Variants in KEAP1 observed in about 807,000 individuals in gnomAD.
KEAP1 encodes the protein kelch like ECH associated protein 1.
KEAP1 carries 26 observed loss-of-function variants against 59.7 expected under a neutral mutation model. The ratio of observed to expected loss-of-function variants is 0.44; its 90% CI spans 0.32 to 0.60. KEAP1 has a LOEUF of 0.60. Ranked by LOEUF, KEAP1 falls within the 20% of genes least tolerant of loss-of-function variation. The pLI is 0.06. For synonymous variants in KEAP1, 350 were observed against 358.3 expected (o/e 0.98, Z 0.26); for missense variants, 539 against 871.4 (o/e 0.62, Z 4.80).
At chr19:10,492,732 A>G (rs1357818144) in intron 2 of KEAP1, 1 of 161,384 alleles carries the variant, frequency 6.2e-6, no homozygotes, top group African/African-American at 2.4e-5. Context: ...CTCAAAGAAA[A>G]AAAAAAAAGA....
At chr19:10,497,207 G>C (rs1422568484) in intron 2 of KEAP1, among the ~76,000 whole-genome samples, 1 of 151,864 alleles carries the variant, frequency 6.6e-6, no homozygotes, top group Non-Finnish European at 1.5e-5. Flanking sequence ...ACACAAGAAA[G>C]AAACACTGTA....
intron 2 of KEAP1, among the ~76,000 whole-genome samples, chr19:10,495,739 G>A (rs1914827331): frequency 6.6e-6 from 1 of 151,946 alleles, no homozygotes; most frequent in African/African-American, 2.4e-5. Flanking sequence ...ACCAGCATGA[G>A]TTGGAATTTT....
rs909633521 is a variant in KEAP1, at chr19:10,488,290, AAAAATAAAAT to A, written c.1708+892_1708+901del. 2.6e-5 allele frequency among the ~76,000 whole-genome samples: 4 copies of A among 152,094 alleles called. No individual in the cohort carries two copies. The East Asian group carries it at 7.7e-4, about 29-fold the overall frequency. On this transcript the variant is annotated intron_variant, in intron 5 of 5. Coordinates refer to ENST00000171111, the MANE Select transcript of KEAP1 (RefSeq NM_203500.2). Reference sequence around the variant, plus strand: ...CAACATGAGCAAAACTCTGTCTCAAAAAAATAAAATAAAATAAAATAAAAATAAACAAAAA... The same window carrying A: ...CAACATGAGCAAAACTCTGTCTCAAAAAAATAAAATAAAAATAAACAAAAA...
In KEAP1 at chr19:10,486,373, C is replaced by T. The variant is rs567980084; in HGVS notation, c.*279G>A. On this transcript the variant is annotated 3_prime_UTR_variant, in exon 6 of 6. Transcript: ENST00000171111. ...GTGAGTGGGACCCAGGCCTATTACC[C>T]GGCCAGAGGGTTTGGGGGCCTCTCT... The T allele has an allele frequency of 1.3e-5, 5 of 376,566 alleles. No homozygotes were observed. In the East Asian group the frequency reaches 1.4e-4, roughly 10 times the overall value. 23.3% of individuals were successfully genotyped at this position (376,566 alleles called of 1,614,324 possible).
At chr19:10,501,152 G>A (rs1296827974) in intron 1 of KEAP1, among the ~76,000 whole-genome samples, 2 of 152,144 alleles carry the variant, frequency 1.3e-5, no homozygotes, top group African/African-American at 2.4e-5. Flanking sequence ...TGGAGAATTG[G>A]GAAGGAGTGC....
At chr19:10,501,089 T>C (rs1329609887) in intron 1 of KEAP1, among the ~76,000 whole-genome samples, 3 of 152,108 alleles carry the variant, frequency 2.0e-5, no homozygotes. Flanking sequence ...GGAGTAGTTT[T>C]CCAGGCAGAG....
chr19:10,497,400 G>C (rs1412605619), intron 2 of KEAP1, among the ~76,000 whole-genome samples: 2 of 152,152 alleles, frequency 1.3e-5, no homozygotes, highest in Admixed American at 1.3e-4. Flanking sequence ...AGCCAGTGGG[G>C]GACTTAGAAA....
chr19:10,494,128 G>A (rs138819503), intron 2 of KEAP1, among the ~76,000 whole-genome samples: 372 of 151,726 alleles, frequency 2.5e-3, no homozygotes, highest in Non-Finnish European at 4.5e-3. Flanking sequence ...TTTTATGGTA[G>A]AGACGGGGTT....
Position 10,491,356 on chromosome 19 carries a change from C to A in KEAP1, c.1325+221G>T, listed in dbSNP as rs1914659950. Among the ~76,000 whole-genome samples the A allele has an allele frequency of 6.6e-6, 1 of 152,156 alleles. No individual in the cohort carries two copies. Among genetic ancestry groups the A allele is most frequent in the Admixed American group, 6.6e-5 (1 of 15,262 alleles). On this transcript the variant is annotated intron_variant, in intron 3 of 5. Coordinates refer to ENST00000171111, the MANE Select transcript of KEAP1 (RefSeq NM_203500.2). The surrounding 1 kb of genome is among the most constrained non-coding windows in gnomAD (Gnocchi z 5.2). ...CATTTTCCAACTCCGCACAAAGGAA[C>A]CATATGGGTTTGTGACAGTCCCCTA... is the stretch of plus-strand genomic sequence containing the variant.
At chr19:10,489,115 A>AAAAG in intron 5 of KEAP1, 77 bp downstream of exon 5, 1 of 1,134,462 alleles carries the variant, frequency 8.8e-7, no homozygotes, top group Non-Finnish European at 1.2e-6. Flanking sequence ...AAAAAAAAAA[A>AAAAG]AAAAAGGAAA....
rs1370163565 is a variant in KEAP1 at position 10,486,238 on chromosome 19, A to C, written c.*414T>G. The stretch of plus-strand genomic sequence containing the variant: ...GTGCCATCCGGTGGCTTCTATGTAC[A>C]GGCCCATCCCTGGGAACCACATTTC... On this transcript the variant is annotated 3_prime_UTR_variant, in exon 6 of 6. Transcript: ENST00000171111. 1 of 245,716 alleles carries C rather than the reference A, an allele frequency of 4.1e-6. No individual in the cohort carries two copies. Among genetic ancestry groups the C allele is most frequent in the African/African-American group, 2.2e-5 (1 of 45,464 alleles). The allele number at this position is 245,716 out of a possible 1,614,324, so 15.2% of individuals were successfully genotyped here. A position where few individuals can be genotyped will look rare whatever the true frequency, so the allele number is the denominator to read the frequency against.
At chr19:10,494,965 T>TC (rs921331677) in intron 2 of KEAP1, among the ~76,000 whole-genome samples, 3 of 112,668 alleles carry the variant, frequency 2.7e-5, no homozygotes, top group East Asian at 2.1e-4. Context: ...CTTTTGTTTC[T>TC]TTTTTTTTTT....
intron 5 of KEAP1, among the ~76,000 whole-genome samples, chr19:10,487,351 T>C (rs1310027008): frequency 6.6e-6 from 1 of 150,706 alleles, no homozygotes; most frequent in East Asian, 2.0e-4. Context: ...TATCTCAAAA[T>C]AAATAAATAA....
intron 2 of KEAP1, chr19:10,492,669 G>GGCATGATCT: frequency 2.3e-4 from 46 of 195,846 alleles, no homozygotes; most frequent in South Asian, 8.9e-4. Context: ...AGGTTGCAGT[G>GGCATGATCT]AGCCGATATT....
At chr19:10,490,145 G>A (rs1398034844) in intron 3 of KEAP1, among the ~76,000 whole-genome samples, 3 of 151,748 alleles carry the variant, frequency 2.0e-5, no homozygotes, top group South Asian at 2.1e-4. Flanking sequence ...CCAGCTACTC[G>A]GGAGGCTGAG....
Position 10,502,222 on chromosome 19 carries a change from C to T in KEAP1, c.-48+1019G>A, listed in dbSNP as rs1197544816. Among the ~76,000 whole-genome samples the T allele has an allele frequency of 6.6e-6, 1 of 152,196 alleles. No individual in the cohort carries two copies. The highest frequency in any genetic ancestry group is 1.5e-5 in the Non-Finnish European group (1 of 68,036). Reference sequence around the variant, plus strand: ...CTCCCTGGGTGCCACTCGGCCCCCACTCTGGTGCCAAGGCCCTGGGTTTGC... The same window carrying T: ...CTCCCTGGGTGCCACTCGGCCCCCATTCTGGTGCCAAGGCCCTGGGTTTGC... On this transcript the variant is annotated intron_variant, in intron 1 of 5. Transcript: ENST00000171111. This position sits in a 1 kb window ranked among gnomAD's most constrained non-coding sequence, Gnocchi z 4.0.
chr19:10,492,465 T>G (rs1914708155), intron 2 of KEAP1: 2 of 566,716 alleles, frequency 3.5e-6, no homozygotes, highest in Non-Finnish European at 6.3e-6. Flanking sequence ...ACGCCTGTAA[T>G]GCCAGCACTT....
In KEAP1 at chr19:10,500,995, T is replaced by C. The variant is rs74612072; in HGVS notation, c.-47-915A>G. On this transcript the variant is annotated intron_variant, in intron 1 of 5. Transcript: ENST00000171111. Reference sequence around the variant, plus strand: ...ATGCCTGACCCGGGGTGCAGTTTTTTAAAATCTGGCAGACCAAGCCTCTTT... The same window carrying C: ...ATGCCTGACCCGGGGTGCAGTTTTTCAAAATCTGGCAGACCAAGCCTCTTT... Among the ~76,000 whole-genome samples the C allele has an allele frequency of 0.018, 2,801 of 152,218 alleles. 248 individuals carry two copies. In the East Asian group the frequency reaches 0.29, roughly 16 times the overall value.
At chr19:10,492,362 C>T (rs1415723117) in intron 2 of KEAP1, 100 bp from the exon 3 acceptor site, 1 of 829,222 alleles carries the variant, frequency 1.2e-6, no homozygotes, top group Non-Finnish European at 1.9e-6. Context: ...CTGACAGTCT[C>T]AGCTTCCTTA....
Sources: allele counts gnomAD v4.1 joint callset (sites outside exome capture counted in the v4.1 genomes callset), GRCh38; gene constraint gnomAD v4.1.1; non-coding constraint Gnocchi (gnomAD v3.1); transcripts MANE v1.5; gene names NCBI Gene and HGNC (gene_info 2026-07-23, HGNC 2026-07-21).